The following GLYR1 variants were observed in gnomAD, a reference collection of about 807,000 sequenced individuals.
GLYR1 encodes the protein glyoxylate reductase 1 homolog.
Under a neutral mutation model 72.7 loss-of-function variants are expected in GLYR1, and 21 were observed. That is an observed-to-expected ratio of 0.29 (90% CI 0.20 to 0.42). The LOEUF (loss-of-function observed/expected upper bound fraction) is 0.42, where lower values mean the gene tolerates loss of function less well. Ranked by LOEUF, GLYR1 falls within the 10% of genes least tolerant of loss-of-function variation. The probability of loss-of-function intolerance (pLI) is 1.00; values close to 1 mark genes in which losing one functional copy is unlikely to be tolerated. For synonymous variants in GLYR1, 392 were observed against 270.2 expected (o/e 1.45, Z -4.42); for missense variants, 594 against 712.1 (o/e 0.83, Z 1.89).
chr16:4,806,624 G>A (rs1338592159), intron 15 of GLYR1, among the ~76,000 whole-genome samples: 1 of 149,216 alleles, frequency 6.7e-6, no homozygotes, highest in Non-Finnish European at 1.5e-5. Context: ...ACCCTGCCTC[G>A]ACCCTGCCTC....
intron 15 of GLYR1, 90 bp from the exon 16 acceptor site, chr16:4,805,400 A>G (rs1159316650): frequency 2.7e-6 from 3 of 1,100,494 alleles, no homozygotes; most frequent in Non-Finnish European, 4.1e-6. Context: ...GGATGTGGCC[A>G]GCAGGCAGTG....
chr16:4,833,895 G>A (rs974073671), intron 3 of GLYR1, among the ~76,000 whole-genome samples: 1 of 152,132 alleles, frequency 6.6e-6, no homozygotes. Flanking sequence ...GGCTTTACAA[G>A]GTATCAGTTA....
intron 3 of GLYR1, among the ~76,000 whole-genome samples, chr16:4,834,300 T>C (rs1025729722): frequency 6.8e-6 from 1 of 146,622 alleles, no homozygotes; most frequent in Non-Finnish European, 1.5e-5. Context: ...AATTCCTTTT[T>C]TTTTTTTTTT....
At chr16:4,814,233 C>T (rs1363378841) in intron 11 of GLYR1, among the ~76,000 whole-genome samples, 1 of 152,176 alleles carries the variant, frequency 6.6e-6, no homozygotes, top group Non-Finnish European at 1.5e-5. Flanking sequence ...AGAAGCTTGG[C>T]ACCTGGACCA....
intron 10 of GLYR1, among the ~76,000 whole-genome samples, chr16:4,816,344 T>C (rs1189297030): frequency 6.6e-6 from 1 of 152,084 alleles, no homozygotes; most frequent in Admixed American, 6.6e-5. Flanking sequence ...TGGAGTCTCA[T>C]GTTGTCCAGG....
At chr16:4,826,396 G>A (rs1214771685) in intron 5 of GLYR1, among the ~76,000 whole-genome samples, 2 of 152,146 alleles carry the variant, frequency 1.3e-5, no homozygotes, top group East Asian at 3.9e-4. Flanking sequence ...GTGAGCCACT[G>A]TGCCTAGCAG....
chr16:4,841,926 G>C (rs1430146666), intron 3 of GLYR1, among the ~76,000 whole-genome samples: 1 of 152,152 alleles, frequency 6.6e-6, no homozygotes, highest in Non-Finnish European at 1.5e-5. Flanking sequence ...CAGATTCTAT[G>C]TATCTTCCAG....
At chr16:4,825,429 T>C (rs2084317247) in intron 5 of GLYR1, among the ~76,000 whole-genome samples, 1 of 152,222 alleles carries the variant, frequency 6.6e-6, no homozygotes, top group African/African-American at 2.4e-5. Flanking sequence ...AGTTATCTCC[T>C]TGGCTCAGGC....
chr16:4,822,827 C>G lies in GLYR1; in HGVS notation c.681+48G>C, dbSNP rs1596343614. 2.0e-6 allele frequency: 3 copies of G among 1,525,644 alleles called. No homozygotes were observed. In the South Asian group the frequency reaches 3.4e-5, roughly 17 times the overall value. The allele number at this position is 1,525,644 out of a possible 1,614,324, so 94.5% of individuals were successfully genotyped here. A position where few individuals can be genotyped will look rare whatever the true frequency, so the allele number is the denominator to read the frequency against. ...GGCCAGGACCCAGTGGAGGAGCACT[C>G]CTTGGCCAGCCCCTGACCAAGGGCC... On this transcript the variant is annotated intron_variant, in intron 7 of 15. Transcript: ENST00000321919.
Position 4,832,299 on chromosome 16 carries a change from G to A in GLYR1, c.295-78C>T, listed in dbSNP as rs181223963. 427 of 1,546,818 alleles carry A rather than the reference G, an allele frequency of 2.8e-4. 2 individuals carry two copies. Among genetic ancestry groups the A allele is most frequent in the Middle Eastern group, 1.9e-3 (11 of 5,894 alleles). ...CGCCACCATCATTTACAGGTGCCAT[G>A]TGCTGCTACAGGCACTCTGTGTGGT... On this transcript the variant is annotated intron_variant, in intron 4 of 15. Transcript: ENST00000321919.
At chr16:4,823,378 G>C (rs1030987439) in intron 6 of GLYR1, among the ~76,000 whole-genome samples, 1 of 152,164 alleles carries the variant, frequency 6.6e-6, no homozygotes, top group Non-Finnish European at 1.5e-5. Flanking sequence ...GAGTAGCCAC[G>C]ACAGTGGACC....
In GLYR1 at chr16:4,824,007, A is replaced by T. The variant is rs997164368; in HGVS notation, c.538-100T>A. The T allele has an allele frequency of 1.0e-5, 9 of 873,800 alleles. No individual in the cohort carries two copies. In the Admixed American group the frequency reaches 1.1e-4, roughly 10 times the overall value. 54.1% of individuals were successfully genotyped at this position (873,800 alleles called of 1,614,324 possible). The stretch of plus-strand genomic sequence containing the variant: ...AAGGGAAAGTTCAAGCCAATCCCCA[A>T]CCACTGTTCTGATGACCGTCCCTCG... On this transcript the variant is annotated intron_variant, in intron 5 of 15. Coordinates refer to ENST00000321919, the MANE Select transcript of GLYR1 (RefSeq NM_032569.4).
Position 4,846,290 on chromosome 16 carries a change from T to C in GLYR1, c.39-80A>G. 4.1e-6 allele frequency: 6 copies of C among 1,478,404 alleles called. No individual in the cohort carries two copies. In the South Asian group the frequency reaches 6.8e-5, roughly 17 times the overall value. 91.6% of individuals were successfully genotyped at this position (1,478,404 alleles called of 1,614,324 possible). On this transcript the variant is annotated intron_variant, in intron 1 of 15. Transcript: ENST00000321919. ...TCAACCCACTCAATACGCAATTTATTTTCCTAAATCTCTGCTGGCATCCTC... is the reference window on the plus strand; with the variant it reads ...TCAACCCACTCAATACGCAATTTATCTTCCTAAATCTCTGCTGGCATCCTC...
chr16:4,840,631 C>T (rs919295043), intron 3 of GLYR1, among the ~76,000 whole-genome samples: 4 of 152,060 alleles, frequency 2.6e-5, no homozygotes, highest in Non-Finnish European at 5.9e-5. Context: ...TGTGCTAATA[C>T]CTGCTGTATG....
chr16:4,810,875 CG>C (rs1567654757), intron 15 of GLYR1, among the ~76,000 whole-genome samples: 1 of 151,574 alleles, frequency 6.6e-6, no homozygotes, highest in Non-Finnish European at 1.5e-5. Flanking sequence ...GAGGCAGAGG[CG>C]GGTGGATCAC....
At chr16:4,833,006 T>C in intron 3 of GLYR1, 94 bp from the exon 4 acceptor site, 1 of 1,233,204 alleles carries the variant, frequency 8.1e-7, no homozygotes, top group Non-Finnish European at 1.1e-6. Context: ...AATATCCATT[T>C]GGTTTAACTG....
chr16:4,829,462 T>C (rs1219290827), intron 5 of GLYR1, among the ~76,000 whole-genome samples: 2 of 151,738 alleles, frequency 1.3e-5, no homozygotes, highest in Non-Finnish European at 2.9e-5. Context: ...TGTACCACTA[T>C]GCCCAACTAG....
At chr16:4,808,235 CAAAAAAAAAAAAA>C (rs57992836) in intron 15 of GLYR1, among the ~76,000 whole-genome samples, 2 of 81,440 alleles carry the variant, frequency 2.5e-5, no homozygotes, top group Admixed American at 2.6e-4. Flanking sequence ...GACTCTGTCT[CAAAAAAAAAAAAA>C]AAAAAAAATA....
intron 3 of GLYR1, among the ~76,000 whole-genome samples, chr16:4,834,482 A>T (rs555386761): frequency 2.1e-5 from 3 of 145,024 alleles, no homozygotes; most frequent in African/African-American, 7.7e-5. Flanking sequence ...TTCCTTTTTG[A>T]GACAGAGTCT....
Sources: allele counts gnomAD v4.1 joint callset (sites outside exome capture counted in the v4.1 genomes callset), GRCh38; gene constraint gnomAD v4.1.1; transcripts MANE v1.5; gene names NCBI Gene and HGNC (gene_info 2026-07-23, HGNC 2026-07-21).